Variants in BCAS3 observed in about 807,000 individuals in gnomAD.
BCAS3 encodes BCAS3 microtubule associated cell migration factor, also known as BCAS4/BCAS3 fusion.
In BCAS3, 53 loss-of-function variants were observed where a neutral mutation model predicts 116.1. That is an observed-to-expected ratio of 0.46 (90% CI 0.37 to 0.57). BCAS3 has a LOEUF of 0.57. BCAS3 is among the 20% of genes least tolerant of loss of function. The pLI, the probability that BCAS3 is intolerant of heterozygous loss-of-function variation, is 0.00. For synonymous variants in BCAS3, 391 were observed against 408.2 expected (o/e 0.96, Z 0.51); for missense variants, 917 against 1,165.4 (o/e 0.79, Z 3.10).
At chr17:60,738,081 A>C (rs557408036) in intron 5 of BCAS3, among the ~76,000 whole-genome samples, 29 of 152,230 alleles carry the variant, frequency 1.9e-4, no homozygotes, top group African/African-American at 7.0e-4. Flanking sequence ...CACTGTGCCC[A>C]GCCTGTTCTT....
chr17:60,908,496 C>T (rs571395959), intron 11 of BCAS3, among the ~76,000 whole-genome samples: 2 of 152,100 alleles, frequency 1.3e-5, no homozygotes, highest in Admixed American at 1.3e-4. Flanking sequence ...GGAGTGAGTA[C>T]ATCAGTTAAG....
chr17:60,921,698 G>C (rs562043428), intron 12 of BCAS3, among the ~76,000 whole-genome samples: 1 of 151,892 alleles, frequency 6.6e-6, no homozygotes, highest in African/African-American at 2.4e-5. Context: ...CTACTAGAGT[G>C]GGGAGGGAGG....
Position 61,134,588 on chromosome 17 carries a change from CTG to C in BCAS3, c.2425+50028_2425+50029del, listed in dbSNP as rs1283808067. ...GGAAAGTATTTTAAAGTCGAGAGAA[CTG>C]TGTTATGGTGGGACATTTAGAGACA... On this transcript the variant is annotated intron_variant, in intron 22 of 23. Coordinates refer to ENST00000407086, the MANE Select transcript of BCAS3 (RefSeq NM_017679.5). The surrounding 1 kb of genome is among the most constrained non-coding windows in gnomAD (Gnocchi z 4.6). Among the ~76,000 whole-genome samples, 2 of 152,182 alleles carry C rather than the reference CTG, an allele frequency of 1.3e-5. No individual in the cohort carries two copies. The highest frequency in any genetic ancestry group is 2.9e-5 in the Non-Finnish European group (2 of 68,032).
chr17:60,880,933 T>C (rs1475778800), intron 9 of BCAS3, among the ~76,000 whole-genome samples: 1 of 150,940 alleles, frequency 6.6e-6, no homozygotes, highest in Non-Finnish European at 1.5e-5. Context: ...ATTCTTTAGA[T>C]TGTCTTTTCA....
chr17:60,862,492 C>T (rs893435788), intron 7 of BCAS3, among the ~76,000 whole-genome samples: 3 of 152,010 alleles, frequency 2.0e-5, no homozygotes, highest in African/African-American at 7.2e-5. Context: ...TTTTGGAATT[C>T]ATTATTGTTC....
rs189793839 is a variant in BCAS3 at position 60,893,845 on chromosome 17, A to G, written c.738+4074A>G. 9.0e-3 allele frequency among the ~76,000 whole-genome samples: 1,368 copies of G among 151,832 alleles called. 26 individuals carry two copies. The highest frequency in any genetic ancestry group is 0.032 in the African/African-American group (1,310 of 41,422). ...GCTGGTCTTGAACTCCTGACCTCAAATGATCCACCCACCTTGGCCTCCCAA... is the reference window on the plus strand; with the variant it reads ...GCTGGTCTTGAACTCCTGACCTCAAGTGATCCACCCACCTTGGCCTCCCAA... On this transcript the variant is annotated intron_variant, in intron 10 of 23. Transcript: ENST00000407086.
At position 60,990,064 on chromosome 17, in the gene BCAS3, G is replaced by A; in HGVS notation, c.1315G>A (p.Gly439Ser). The A allele has an allele frequency of 1.2e-6, 2 of 1,614,174 alleles. No homozygotes were observed. Among genetic ancestry groups the A allele is most frequent in the Non-Finnish European group, 1.7e-6 (2 of 1,180,036 alleles). The change falls in exon 15 of 24, where the codon GGC becomes AGC. Residue 439 changes from glycine to serine, a missense_variant. Transcript: ENST00000407086. The surrounding 1 kb of genome is among the most constrained non-coding windows in gnomAD (Gnocchi z 5.1). ...CGTTTTCCCCATCAACCCTTATGGTGGCCAGCCTTGTGTTCGTACACATAT... is the reference window on the plus strand; with the variant it reads ...CGTTTTCCCCATCAACCCTTATGGTAGCCAGCCTTGTGTTCGTACACATAT... ...SHVFPINPYG[G>S]QPCVRTHMSP...
In BCAS3 at chr17:61,380,644, C is replaced by T. The variant is rs974203089; in HGVS notation, c.2594-11333C>T. 2.3e-4 allele frequency: 320 copies of T among 1,414,202 alleles called. 1 individual carries two copies. Among genetic ancestry groups the T allele is most frequent in the Middle Eastern group, 5.2e-4 (3 of 5,760 alleles). 87.6% of individuals were successfully genotyped at this position (1,414,202 alleles called of 1,614,324 possible). ...CTTCTTTTGTCCCTCAAGAGGGTGCCCTCCTACCCCCTCGTGCCCAGGCCC... is the reference window on the plus strand; with the variant it reads ...CTTCTTTTGTCCCTCAAGAGGGTGCTCTCCTACCCCCTCGTGCCCAGGCCC... On this transcript the variant is annotated intron_variant, in intron 23 of 23. Transcript: ENST00000407086. The surrounding 1 kb of genome is among the most constrained non-coding windows in gnomAD (Gnocchi z 4.2).
chr17:60,720,023 A>G (rs924231292), intron 5 of BCAS3: 2 of 152,242 alleles, frequency 1.3e-5, no homozygotes, highest in Admixed American at 1.3e-4. Context: ...CAAAAATTGT[A>G]TAGCATATTG....
At chr17:60,911,880 T>G (rs2058534393) in intron 12 of BCAS3, among the ~76,000 whole-genome samples, 1 of 152,226 alleles carries the variant, frequency 6.6e-6, no homozygotes, top group Non-Finnish European at 1.5e-5. Flanking sequence ...ATATGTGAAA[T>G]CTTAAAGTAG....
At chr17:60,976,966 C>T (rs970910078) in intron 14 of BCAS3, among the ~76,000 whole-genome samples, 8 of 152,170 alleles carry the variant, frequency 5.3e-5, no homozygotes, top group Non-Finnish European at 8.8e-5. Context: ...ACCTCCCAGA[C>T]GGGGTGGTGG....
chr17:61,232,610 C>T (rs2082757759), intron 22 of BCAS3, among the ~76,000 whole-genome samples: 1 of 152,094 alleles, frequency 6.6e-6, no homozygotes, highest in Non-Finnish European at 1.5e-5. Flanking sequence ...TCTTCAAAAA[C>T]CCATCTCTGG....
chr17:60,735,428 T>C (rs1451467482), intron 5 of BCAS3, among the ~76,000 whole-genome samples: 1 of 151,176 alleles, frequency 6.6e-6, no homozygotes, highest in Admixed American at 6.6e-5. Flanking sequence ...TTCAGTATGA[T>C]TTTTTATTTT....
intron 15 of BCAS3, among the ~76,000 whole-genome samples, chr17:61,003,227 G>T (rs972913259): frequency 6.7e-5 from 10 of 150,314 alleles, no homozygotes; most frequent in African/African-American, 1.5e-4. Flanking sequence ...TCTTCTTGTT[G>T]CATTTTTATT....
chr17:60,902,485 C>G, intron 10 of BCAS3, 135 bp from the exon 11 acceptor site: 1 of 696,950 alleles, frequency 1.4e-6, no homozygotes, highest in South Asian at 1.9e-5. Context: ...AGCTGTTTGT[C>G]TGAAATACAC....
chr17:60,807,464 T>C (rs2144620655), intron 6 of BCAS3, among the ~76,000 whole-genome samples: 1 of 152,244 alleles, frequency 6.6e-6, no homozygotes, highest in South Asian at 2.1e-4. Context: ...AGATTGAAAT[T>C]GGTGCCAATT....
At chr17:61,369,516 A>G (rs1603112794) in intron 23 of BCAS3, among the ~76,000 whole-genome samples, 1 of 152,190 alleles carries the variant, frequency 6.6e-6, no homozygotes. Context: ...GTCTGACATC[A>G]TCACACAGTC....
chr17:61,045,298 C>T (rs1167285947), intron 19 of BCAS3, among the ~76,000 whole-genome samples: 1 of 151,682 alleles, frequency 6.6e-6, no homozygotes, highest in Non-Finnish European at 1.5e-5. Context: ...TGTTTGTGGC[C>T]AGAAGTTCAA....
At chr17:60,774,774 G>A (rs1473521760) in intron 6 of BCAS3, among the ~76,000 whole-genome samples, 1 of 152,204 alleles carries the variant, frequency 6.6e-6, no homozygotes, top group African/African-American at 2.4e-5. Context: ...TTGGGCAAAA[G>A]CAGCCATTGA....
Sources: allele counts gnomAD v4.1 joint callset (sites outside exome capture counted in the v4.1 genomes callset), GRCh38; gene constraint gnomAD v4.1.1; non-coding constraint Gnocchi (gnomAD v3.1); transcripts MANE v1.5; gene names NCBI Gene and HGNC (gene_info 2026-07-23, HGNC 2026-07-21).